COBL: variants seen among roughly 807,000 people sequenced by gnomAD.
COBL encodes cordon-bleu WH2 repeat protein.
A neutral mutation model predicts 98.8 loss-of-function variants in COBL; 51 were observed. That is an observed-to-expected ratio of 0.52 (90% CI 0.41 to 0.65). The LOEUF (loss-of-function observed/expected upper bound fraction) is 0.65. COBL is among the 30% of genes least tolerant of loss of function. The pLI is 0.00. For synonymous variants in COBL, 634 were observed against 651.7 expected (o/e 0.97, Z 0.41); for missense variants, 1,617 against 1,617.5 (o/e 1.00, Z 0.01).
intron 1 of COBL, among the ~76,000 whole-genome samples, chr7:51,279,225 T>C (rs1252570711): frequency 6.6e-6 from 1 of 152,226 alleles, no homozygotes; most frequent in Non-Finnish European, 1.5e-5. Flanking sequence ...ACTAAATCCC[T>C]GGTCATAAGG....
At chr7:51,208,436 TG>T (rs34943564) in intron 2 of COBL, among the ~76,000 whole-genome samples, 1 of 135,544 alleles carries the variant, frequency 7.4e-6, no homozygotes, top group Non-Finnish European at 1.6e-5. Context: ...GGGAGGGAGG[TG>T]GGGGGGGTCA....
intron 5 of COBL, among the ~76,000 whole-genome samples, chr7:51,150,975 T>G (rs967873016): frequency 1.3e-5 from 2 of 151,054 alleles, no homozygotes; most frequent in Non-Finnish European, 3.0e-5. Flanking sequence ...CCTGCCCCCC[T>G]CCCCGCCCCA....
intron 6 of COBL, among the ~76,000 whole-genome samples, chr7:51,110,152 A>C (rs1796694793): frequency 6.6e-6 from 1 of 152,236 alleles, no homozygotes; most frequent in African/African-American, 2.4e-5. Context: ...CAAACTATAC[A>C]ATAGTTATTG....
At chr7:51,289,681 C>A (rs1409727296) in intron 1 of COBL, among the ~76,000 whole-genome samples, 1 of 152,204 alleles carries the variant, frequency 6.6e-6, no homozygotes, top group Admixed American at 6.5e-5. Context: ...GTGAACACTC[C>A]CAGCAAGCCA....
intron 2 of COBL, among the ~76,000 whole-genome samples, chr7:51,217,622 C>T (rs1345259303): frequency 3.3e-5 from 5 of 152,050 alleles, no homozygotes; most frequent in Admixed American, 3.3e-4. Flanking sequence ...GGATTACAGG[C>T]GTGAGCCACC....
chr7:51,068,939 T>C (rs1212311339), intron 7 of COBL, among the ~76,000 whole-genome samples: 1 of 152,248 alleles, frequency 6.6e-6, no homozygotes, highest in Non-Finnish European at 1.5e-5. Context: ...GTTTCTGCTA[T>C]GGAGCCTGAA....
chr7:51,316,505 G>A, intron 1 of COBL, 88 bp downstream of exon 1: 2 of 1,004,674 alleles, frequency 2.0e-6, no homozygotes, highest in South Asian at 9.1e-5. Flanking sequence ...CAGAGAGGGC[G>A]CCCTGCCCGG....
intron 1 of COBL, among the ~76,000 whole-genome samples, chr7:51,304,374 AT>A (rs1802265314): frequency 6.6e-6 from 1 of 152,242 alleles, no homozygotes; most frequent in Non-Finnish European, 1.5e-5. Context: ...TGACTTCCTC[AT>A]CGGTGTGACC....
intron 2 of COBL, among the ~76,000 whole-genome samples, chr7:51,194,720 T>C (rs996794199): frequency 2.0e-5 from 3 of 152,230 alleles, no homozygotes; most frequent in African/African-American, 7.2e-5. Context: ...TCACTGATGT[T>C]GAGCTTTTTT....
At chr7:51,219,447 G>A (rs746891970) in intron 2 of COBL, among the ~76,000 whole-genome samples, 4 of 152,124 alleles carry the variant, frequency 2.6e-5, no homozygotes, top group Non-Finnish European at 5.9e-5. Context: ...GGTCACCGCT[G>A]TACCTGCCCT....
chr7:51,081,072 T>C (rs1231226801), intron 7 of COBL, among the ~76,000 whole-genome samples: 4 of 152,100 alleles, frequency 2.6e-5, no homozygotes, highest in Non-Finnish European at 4.4e-5. Flanking sequence ...TGTGGTGCGC[T>C]GGCAGCCAGG....
At chr7:51,139,577 T>A (rs942982170) in intron 5 of COBL, among the ~76,000 whole-genome samples, 4 of 152,206 alleles carry the variant, frequency 2.6e-5, no homozygotes, top group Non-Finnish European at 5.9e-5. Flanking sequence ...CAGGGTCCAG[T>A]GGTCCTGAGC....
chr7:51,284,272 GC>G, intron 1 of COBL, among the ~76,000 whole-genome samples: 1 of 151,194 alleles, frequency 6.6e-6, no homozygotes, highest in Non-Finnish European at 1.5e-5. Context: ...CTGCACTCCA[GC>G]CTGGGCAACA....
chr7:51,097,659 A>G (rs761062300), intron 6 of COBL, among the ~76,000 whole-genome samples: 1 of 152,172 alleles, frequency 6.6e-6, no homozygotes, highest in Non-Finnish European at 1.5e-5. Context: ...CTAACAATAA[A>G]CAATCTAAAA....
intron 2 of COBL, among the ~76,000 whole-genome samples, chr7:51,200,154 T>A (rs900702944): frequency 1.3e-5 from 2 of 152,176 alleles, no homozygotes; most frequent in African/African-American, 4.8e-5. Flanking sequence ...CAAACAAGAA[T>A]ACTTTATCCA....
intron 12 of COBL, 137 bp from the exon 13 acceptor site, chr7:51,017,705 G>A: frequency 1.1e-6 from 1 of 875,254 alleles, no homozygotes; most frequent in Non-Finnish European, 1.9e-6. Flanking sequence ...CCTTTGACCT[G>A]CAGAAAGGAG....
chr7:51,193,475 T>G lies in COBL; in HGVS notation c.360A>C (p.Pro120=). The G allele has an allele frequency of 6.2e-7, 1 of 1,614,248 alleles. No homozygotes were observed. Among genetic ancestry groups the G allele is most frequent in the African/African-American group, 1.3e-5 (1 of 75,064 alleles). Residue 120 remains proline (P), a synonymous_variant, in exon 3 of 13, where the codon CCA becomes CCC. Transcript: ENST00000265136. The part of the protein sequence containing the change: ...SETQQPLSFK[P]NTLIGTLNVH... Reference sequence around the variant, plus strand: ...CATTCAGGGTCCCAATCAAAGTATTTGGCTTAAAACTCAAAGGTTGTTGGG... The same window carrying G: ...CATTCAGGGTCCCAATCAAAGTATTGGGCTTAAAACTCAAAGGTTGTTGGG...
intron 5 of COBL, among the ~76,000 whole-genome samples, chr7:51,144,149 C>G (rs532294293): frequency 6.6e-6 from 1 of 152,280 alleles, no homozygotes; most frequent in South Asian, 2.1e-4. Context: ...CTGCCAGGTG[C>G]AAAGAGAACA....
chr7:51,112,884 A>C (rs1433024402), intron 6 of COBL, among the ~76,000 whole-genome samples: 2 of 152,184 alleles, frequency 1.3e-5, no homozygotes, highest in Non-Finnish European at 2.9e-5. Context: ...CTTCTTAGAC[A>C]AGCATACTCA....
Sources: gnomAD v4.1 joint callset for allele counts (sites outside exome capture counted in the v4.1 genomes callset) on GRCh38, gnomAD v4.1.1 for gene constraint, MANE v1.5 for transcripts, NCBI Gene and HGNC (gene_info 2026-07-23, HGNC 2026-07-21) for gene names.